The following SRL variants were observed in gnomAD, a reference collection of about 807,000 sequenced individuals.
The protein encoded by SRL is sarcalumenin.
In SRL, 23 loss-of-function variants were observed where a neutral mutation model predicts 39.5. The ratio of observed to expected loss-of-function variants is 0.58; its 90% CI spans 0.42 to 0.82. The LOEUF (loss-of-function observed/expected upper bound fraction) is 0.82, where lower values mean the gene tolerates loss of function less well. SRL is among the 40% of genes least tolerant of loss of function. SRL has a pLI of 0.00. For missense variants in SRL, 592 were observed against 607.8 expected (o/e 0.97, Z 0.27); for synonymous variants, 272 against 237.4 (o/e 1.15, Z -1.34).
At chr16:4,224,716 T>C (rs2052568246) in intron 1 of SRL, among the ~76,000 whole-genome samples, 5 of 147,682 alleles carry the variant, frequency 3.4e-5, no homozygotes, top group South Asian at 2.1e-4. Context: ...CAAGACCCTA[T>C]CTCGAGAAAA....
intron 1 of SRL, among the ~76,000 whole-genome samples, chr16:4,217,836 G>A (rs2052477129): frequency 6.6e-6 from 1 of 152,190 alleles, no homozygotes; most frequent in Non-Finnish European, 1.5e-5. Context: ...CTTCGGACAG[G>A]AGCCGAGCCA....
In SRL at chr16:4,192,974, A is replaced by G; in HGVS notation, c.611-10T>C. 6.3e-7 allele frequency: 1 copy of G among 1,599,270 alleles called. No homozygotes were observed. Among genetic ancestry groups the G allele is most frequent in the East Asian group, 2.2e-5 (1 of 44,714 alleles). ...TCGTTGAAGGGGTAGCCTTTGGGAG[A>G]CAGAAGTGAGAAGTCAAACTGAGTA... On this transcript the variant is annotated splice_polypyrimidine_tract_variant and intron_variant, in intron 5 of 5. Transcript: ENST00000399609. The surrounding 1 kb of genome is among the most constrained non-coding windows in gnomAD (Gnocchi z 4.0).
intron 1 of SRL, among the ~76,000 whole-genome samples, chr16:4,220,966 C>A (rs913591818): frequency 1.3e-5 from 2 of 151,850 alleles, no homozygotes; most frequent in African/African-American, 4.8e-5. Flanking sequence ...AGCCTGGCAA[C>A]AGAGCGAGAT....
chr16:4,229,584 A>G (rs903514061), intron 1 of SRL, among the ~76,000 whole-genome samples: 2 of 152,100 alleles, frequency 1.3e-5, no homozygotes, highest in African/African-American at 4.8e-5. Context: ...AGCATTGGAG[A>G]CACATGGACA....
chr16:4,232,395 G>A (rs1398363139), intron 1 of SRL, among the ~76,000 whole-genome samples: 1 of 152,192 alleles, frequency 6.6e-6, no homozygotes, highest in African/African-American at 2.4e-5. Flanking sequence ...CCTCTCTGGT[G>A]GACACAGGGA....
intron 1 of SRL, among the ~76,000 whole-genome samples, chr16:4,233,053 T>C (rs904848771): frequency 6.6e-6 from 1 of 152,156 alleles, no homozygotes; most frequent in Non-Finnish European, 1.5e-5. Context: ...TCTAGAAGCA[T>C]CCAAAAATAT....
At chr16:4,201,771 T>G (rs2052235980) in intron 3 of SRL, among the ~76,000 whole-genome samples, 1 of 137,316 alleles carries the variant, frequency 7.3e-6, no homozygotes, top group Non-Finnish European at 1.5e-5. Flanking sequence ...TTCTGTTGCC[T>G]CACCCTCCTG....
intron 1 of SRL, among the ~76,000 whole-genome samples, chr16:4,229,051 A>G (rs961709642): frequency 2.6e-5 from 4 of 152,074 alleles, no homozygotes; most frequent in Non-Finnish European, 4.4e-5. Flanking sequence ...AGCGTTACTC[A>G]CAACAGCAAA....
At chr16:4,203,897 C>G (rs553011271) in intron 2 of SRL, among the ~76,000 whole-genome samples, 1 of 152,338 alleles carries the variant, frequency 6.6e-6, no homozygotes, top group African/African-American at 2.4e-5. Context: ...CTGGCCCTGG[C>G]GTTGGCCTGT....
intron 1 of SRL, 43 bp downstream of exon 1, chr16:4,241,963 GT>G (rs1567194580): frequency 6.2e-7 from 1 of 1,609,198 alleles, no homozygotes; most frequent in Non-Finnish European, 8.5e-7. Context: ...TGGAGGAAGC[GT>G]GGGGGACCAG....
At position 4,222,212 on chromosome 16, in the gene SRL, G is replaced by A. The variant is rs564276362; in HGVS notation, c.62-17578C>T. ...CTTTGAGTCCCATCCCTTGGGAGTCGTCCCCGACCCCTCCTCTGGTCTGTG... is the reference window on the plus strand; with the variant it reads ...CTTTGAGTCCCATCCCTTGGGAGTCATCCCCGACCCCTCCTCTGGTCTGTG... On this transcript the variant is annotated intron_variant, in intron 1 of 5. Transcript: ENST00000399609. 1.3e-4 allele frequency among the ~76,000 whole-genome samples: 20 copies of A among 152,230 alleles called. No individual in the cohort carries two copies. In the South Asian group the frequency reaches 3.9e-3, roughly 30 times the overall value.
chr16:4,197,517 G>A (rs947249503), intron 4 of SRL, among the ~76,000 whole-genome samples: 10 of 147,600 alleles, frequency 6.8e-5, no homozygotes, highest in South Asian at 2.1e-4. Flanking sequence ...TGCCTTCTAG[G>A]TTCAAGCAAT....
chr16:4,197,083 T>G (rs200064135), intron 4 of SRL, among the ~76,000 whole-genome samples: 1,042 of 69,906 alleles, frequency 0.015, 21 homozygotes, highest in African/African-American at 0.05. Context: ...TTTTTTTTTT[T>G]TGTGAGACAG....
intron 1 of SRL, 91 bp downstream of exon 1, chr16:4,241,916 C>T: frequency 6.9e-7 from 1 of 1,457,782 alleles, no homozygotes; most frequent in African/African-American, 1.4e-5. Flanking sequence ...GCCATCAGCC[C>T]CGACCCCCTA....
intron 1 of SRL, chr16:4,207,510 AC>A (rs908591680): frequency 2.2e-6 from 1 of 455,906 alleles, no homozygotes; most frequent in Non-Finnish European, 4.4e-6. Context: ...CAGTGGGCCG[AC>A]CCCATCACCC....
chr16:4,227,077 G>A (rs2052600653), intron 1 of SRL, among the ~76,000 whole-genome samples: 1 of 129,534 alleles, frequency 7.7e-6, no homozygotes, highest in Non-Finnish European at 1.7e-5. Context: ...GATGGATGAT[G>A]GATGGATGAA....
chr16:4,207,248 T>C (rs183840541), intron 1 of SRL: 232 of 457,048 alleles, frequency 5.1e-4, no homozygotes, highest in Middle Eastern at 9.7e-4. Flanking sequence ...CAGAGGAGGC[T>C]TCATCTGCGT....
intron 1 of SRL, among the ~76,000 whole-genome samples, chr16:4,240,931 A>G (rs74003256): frequency 0.015 from 2,356 of 152,310 alleles, 57 homozygotes; most frequent in African/African-American, 0.054. Context: ...CCAGCAGCAC[A>G]TGCAGTGGCT....
At chr16:4,233,822 C>A (rs913910117) in intron 1 of SRL, among the ~76,000 whole-genome samples, 16 of 152,036 alleles carry the variant, frequency 1.1e-4, no homozygotes, top group African/African-American at 3.9e-4. Flanking sequence ...TTGTGCCATA[C>A]CCTCATGCTT....
Sources: gnomAD v4.1 joint callset for allele counts (sites outside exome capture counted in the v4.1 genomes callset) on GRCh38, gnomAD v4.1.1 for gene constraint, Gnocchi (gnomAD v3.1) non-coding constraint, MANE v1.5 for transcripts, NCBI Gene and HGNC (gene_info 2026-07-23, HGNC 2026-07-21) for gene names.